Variants in GALR2 observed in about 807,000 individuals in gnomAD.
GALR2 encodes the protein galanin receptor 2.
GALR2 carries 5 observed loss-of-function variants against 7.2 expected under a neutral mutation model. The observed-to-expected ratio is 0.69, with a 90% CI of 0.36 to 1.45. GALR2 has a LOEUF of 1.45. Among genes scored for constraint, GALR2 ranks in the 40% most tolerant of loss-of-function variants. GALR2 has a pLI of 0.03. For synonymous variants in GALR2, 300 were observed against 263.9 expected (o/e 1.14, Z -1.32); for missense variants, 561 against 555.7 (o/e 1.01, Z -0.10).
chr17:76,074,230 C>G (rs1416670725), upstream of GALR2, among the ~76,000 whole-genome samples: 1 of 152,182 alleles, frequency 6.6e-6, no homozygotes, highest in African/African-American at 2.4e-5. The surrounding 1 kb of genome is among the most constrained non-coding windows in gnomAD (Gnocchi z 6.7). Context: ...GCAGGAGAAC[C>G]GTTTGAACCC....
chr17:76,073,050 G>T (rs1323952358), upstream of GALR2, among the ~76,000 whole-genome samples: 1 of 152,192 alleles, frequency 6.6e-6, no homozygotes, highest in Non-Finnish European at 1.5e-5. Flanking sequence ...TTCTCAGACC[G>T]CTTGGGGCCG....
At position 76,075,172 on chromosome 17, in the gene GALR2, C is replaced by T. The variant is rs1433121872; in HGVS notation, c.289C>T (p.Leu97=). 1 of 1,611,956 alleles carries T rather than the reference C, an allele frequency of 6.2e-7. No individual in the cohort carries two copies. The highest frequency in any genetic ancestry group is 8.5e-7 in the Non-Finnish European group (1 of 1,179,950). The change falls in exon 1 of 2, where the codon CTG becomes TTG. Residue 97 remains leucine (L), a synonymous_variant. Transcript: ENST00000329003. This position sits in a 1 kb window ranked among gnomAD's most constrained non-coding sequence, Gnocchi z 5.9. ...TLDGWVFGSL[L]CKAVHFLIFL... ...GGACGGCTGGGTGTTCGGCTCGCTG[C>T]TGTGCAAGGCGGTGCACTTCCTCAT... is the stretch of plus-strand genomic sequence containing the variant.
At chr17:76,072,277 T>C (rs1318041532), upstream of GALR2, 1 of 1,605,196 alleles carries the variant, frequency 6.2e-7, no homozygotes, top group South Asian at 1.1e-5. The surrounding 1 kb of genome is among the most constrained non-coding windows in gnomAD (Gnocchi z 4.5). Flanking sequence ...CACGTAATCA[T>C]TGCGAGTTAG....
chr17:76,076,633 CA>C lies in GALR2; in HGVS notation c.369-2del. The C allele has an allele frequency of 6.4e-7, 1 of 1,569,444 alleles. No individual in the cohort carries two copies. The highest frequency in any genetic ancestry group is 8.6e-7 in the Non-Finnish European group (1 of 1,161,228). On this transcript the variant is annotated splice_acceptor_variant, in intron 1 of 1. Coordinates refer to ENST00000329003, the MANE Select transcript of GALR2 (RefSeq NM_003857.4). LOFTEE classifies it high-confidence loss of function. This position sits in a 1 kb window ranked among gnomAD's most constrained non-coding sequence, Gnocchi z 6.5. ...GACGTCTCCCTTCCCGGTCTGACCG[CA>C]GGTATCTGGCCATCCGCTACCCGCT...
rs768316504 is a variant in GALR2 at position 76,077,223 on chromosome 17, C to G, written c.956C>G (p.Ser319Trp). ...GLLGRAPGRA[S>W]GRVCAAARGT... ...CTGGGCCGTGCCCCAGGCCGAGCCT[C>G]GGGCCGTGTGTGCGCTGCCGCGCGG... The change falls in exon 2 of 2, where the codon TCG becomes TGG. Residue 319 changes from serine (S) to tryptophan (W), a missense_variant. Ser to Trp is a radical substitution (Grantham distance 177, BLOSUM62 -3). Transcript: ENST00000329003. 1 of 1,607,306 alleles carries G rather than the reference C, an allele frequency of 6.2e-7. No individual in the cohort carries two copies. Among genetic ancestry groups the G allele is most frequent in the Non-Finnish European group, 8.5e-7 (1 of 1,177,786 alleles).
chr17:76,072,754 C>G, upstream of GALR2: 1 of 603,660 alleles, frequency 1.7e-6, no homozygotes, highest in Non-Finnish European at 2.7e-6. This position sits in a 1 kb window ranked among gnomAD's most constrained non-coding sequence, Gnocchi z 4.5. Context: ...AGTCCCACCT[C>G]CCACCCACTA....
At position 76,077,415 on chromosome 17, in the gene GALR2, C is replaced by T; in HGVS notation, c.1148C>T (p.Thr383Met). ...QGPKAGDSIL[T>M]VDVA ...CCAAAGGCAGGCGACAGCATCCTGA[C>T]GGTTGATGTGGCCTGAAAGCACTTA... Residue 383 changes from threonine to methionine, a missense_variant, in exon 2 of 2, where the codon ACG (threonine) becomes ATG (methionine). Physicochemically the swap from Thr to Met is moderately conservative, Grantham distance 81. Coordinates refer to ENST00000329003, the MANE Select transcript of GALR2 (RefSeq NM_003857.4). The T allele has an allele frequency of 1.4e-6, 2 of 1,454,168 alleles. No individual in the cohort carries two copies. The highest frequency in any genetic ancestry group is 9.0e-7 in the Non-Finnish European group (1 of 1,109,406). The allele number at this position is 1,454,168 out of a possible 1,614,324, so 90.1% of individuals were successfully genotyped here. A position where few individuals can be genotyped will look rare whatever the true frequency, so the allele number is the denominator to read the frequency against.
upstream of GALR2, among the ~76,000 whole-genome samples, chr17:76,073,141 C>T (rs2066869235): frequency 1.3e-5 from 2 of 152,128 alleles, no homozygotes; most frequent in South Asian, 4.1e-4. Flanking sequence ...TTGCTTTGCA[C>T]CTTCTAGAGT....
rs1163697574 is a variant in GALR2, at chr17:76,075,808, T to G, written c.368+557T>G. The stretch of plus-strand genomic sequence containing the variant: ...ATCCACTCCGGAGTCCCAGCGAGCG[T>G]GCCTAAAGGTCCCTAGCTCAGTCCC... On this transcript the variant is annotated intron_variant, in intron 1 of 1. Coordinates refer to ENST00000329003, the MANE Select transcript of GALR2 (RefSeq NM_003857.4). The surrounding 1 kb of genome is among the most constrained non-coding windows in gnomAD (Gnocchi z 5.9). Among the ~76,000 whole-genome samples, 2 of 152,150 alleles carry G rather than the reference T, an allele frequency of 1.3e-5. No individual in the cohort carries two copies. Among genetic ancestry groups the G allele is most frequent in the Non-Finnish European group, 2.9e-5 (2 of 68,020 alleles).
upstream of GALR2, chr17:76,072,612 T>A: frequency 6.8e-7 from 1 of 1,461,094 alleles, no homozygotes; most frequent in Non-Finnish European, 8.9e-7. This position sits in a 1 kb window ranked among gnomAD's most constrained non-coding sequence, Gnocchi z 4.5. Flanking sequence ...CGTCGGCCCT[T>A]GCTGCAGCAG....
chr17:76,072,673 C>A (rs1004725732), upstream of GALR2: 24 of 1,280,018 alleles, frequency 1.9e-5, no homozygotes, highest in Non-Finnish European at 2.5e-5. This position sits in a 1 kb window ranked among gnomAD's most constrained non-coding sequence, Gnocchi z 4.5. Context: ...CATCCCGGGT[C>A]CGGAATTGTG....
rs770674605 is a variant in GALR2 at position 76,076,918 on chromosome 17, C to T, written c.651C>T (p.Ala217=). The change falls in exon 2 of 2, where the codon GCC becomes GCT. Residue 217 remains alanine, a synonymous_variant. Transcript: ENST00000329003. The surrounding 1 kb of genome is among the most constrained non-coding windows in gnomAD (Gnocchi z 6.5). ...GCACCTTGCGCTACCTCTGGCGCGC[C>T]GTCGACCCGGTGGCCGCGGGCTCGG... ...YARTLRYLWR[A]VDPVAAGSGA... The T allele has an allele frequency of 9.4e-6, 15 of 1,601,848 alleles. No homozygotes were observed. Among genetic ancestry groups the T allele is most frequent in the Non-Finnish European group, 1.2e-5 (14 of 1,178,466 alleles).
At position 76,077,229 on chromosome 17, in the gene GALR2, G is replaced by T. The variant is rs538882315; in HGVS notation, c.962G>T (p.Arg321Leu). ...LGRAPGRASGRVCAAARGTHS... is the reference protein window; with the variant it reads ...LGRAPGRASGLVCAAARGTHS... ...CGTGCCCCAGGCCGAGCCTCGGGCC[G>T]TGTGTGCGCTGCCGCGCGGGGCACC... The change falls in exon 2 of 2, where the codon CGT becomes CTT. Residue 321 changes from arginine (R) to leucine (L), a missense_variant. Physicochemically the swap from Arg to Leu is moderately radical, Grantham distance 102 (BLOSUM62 -2). Transcript: ENST00000329003. 1.9e-6 allele frequency: 3 copies of T among 1,606,600 alleles called. No individual in the cohort carries two copies. The South Asian group carries it at 3.3e-5, about 18-fold the overall frequency.
chr17:76,075,367 A>G lies in GALR2; in HGVS notation c.368+116A>G. ...GAGTGGGACAGGACACTAAGAAGGC[A>G]GTGGAAGACAAGCGGGCGCGGAGGA... On this transcript the variant is annotated intron_variant, in intron 1 of 1. Transcript: ENST00000329003. This position sits in a 1 kb window ranked among gnomAD's most constrained non-coding sequence, Gnocchi z 5.9. 8.8e-7 allele frequency: 1 copy of G among 1,141,198 alleles called. No homozygotes were observed. The allele number at this position is 1,141,198 out of a possible 1,614,324, so 70.7% of individuals were successfully genotyped here.
chr17:76,073,925 C>T (rs1422467714), upstream of GALR2, among the ~76,000 whole-genome samples: 2 of 151,970 alleles, frequency 1.3e-5, no homozygotes, highest in African/African-American at 4.8e-5. Flanking sequence ...GTGGGCGGAT[C>T]ACTTGAGGTC....
At chr17:76,074,741 G>T, upstream of GALR2, 5 of 871,824 alleles carry the variant, frequency 5.7e-6, no homozygotes, top group Non-Finnish European at 5.0e-6. This position sits in a 1 kb window ranked among gnomAD's most constrained non-coding sequence, Gnocchi z 6.7. Context: ...CCCCATCCCC[G>T]CCCCAGATGA....
At chr17:76,072,234 G>A (rs979792228), upstream of GALR2, 3 of 1,596,356 alleles carry the variant, frequency 1.9e-6, no homozygotes, top group South Asian at 2.2e-5. This position sits in a 1 kb window ranked among gnomAD's most constrained non-coding sequence, Gnocchi z 4.5. Flanking sequence ...GTCGGGACCC[G>A]CCGCCTCTCC....
chr17:76,073,273 G>A (rs1174994000), upstream of GALR2, among the ~76,000 whole-genome samples: 4 of 150,714 alleles, frequency 2.7e-5, no homozygotes, highest in African/African-American at 9.8e-5. Flanking sequence ...AATTTAAGTG[G>A]TTGTTAGGAA....
chr17:76,072,357 C>A, upstream of GALR2: 4 of 1,612,864 alleles, frequency 2.5e-6, no homozygotes, highest in Non-Finnish European at 2.5e-6. The surrounding 1 kb of genome is among the most constrained non-coding windows in gnomAD (Gnocchi z 4.5). Flanking sequence ...TCGATCCGGC[C>A]GAAGGGCGTT....
Sources: gnomAD v4.1 joint callset for allele counts (sites outside exome capture counted in the v4.1 genomes callset) on GRCh38, gnomAD v4.1.1 for gene constraint, Gnocchi (gnomAD v3.1) non-coding constraint, MANE v1.5 for transcripts, NCBI Gene and HGNC (gene_info 2026-07-23, HGNC 2026-07-21) for gene names.